The following PCNX1 variants were observed in gnomAD, a reference collection of about 807,000 sequenced individuals.
PCNX1 encodes the protein pecanex 1, also known as pecanex-like protein 1.
PCNX1 carries 78 observed loss-of-function variants against 242.2 expected under a neutral mutation model. That is an observed-to-expected ratio of 0.32 (90% CI 0.27 to 0.39). The LOEUF (loss-of-function observed/expected upper bound fraction) is 0.39, where lower values mean the gene tolerates loss of function less well. Ranked by LOEUF, PCNX1 falls within the 10% of genes least tolerant of loss-of-function variation. PCNX1 has a pLI of 1.00. For missense variants in PCNX1, 2,581 were observed against 2,856.5 expected (o/e 0.90, Z 2.20); for synonymous variants, 1,024 against 1,032.9 (o/e 0.99, Z 0.17).
chr14:71,018,003 A>G (rs1170790646), intron 11 of PCNX1, among the ~76,000 whole-genome samples: 1 of 152,206 alleles, frequency 6.6e-6, no homozygotes, highest in African/African-American at 2.4e-5. Flanking sequence ...TTAAATATGT[A>G]CAAAGTTTTG....
chr14:70,993,180 G>A (rs1400416770), intron 7 of PCNX1, among the ~76,000 whole-genome samples: 2 of 150,884 alleles, frequency 1.3e-5, no homozygotes, highest in South Asian at 2.1e-4. Context: ...GAGTGCAGTG[G>A]CACGATCTCG....
At chr14:71,002,763 C>T (rs902199747) in intron 8 of PCNX1, among the ~76,000 whole-genome samples, 1 of 152,102 alleles carries the variant, frequency 6.6e-6, no homozygotes, top group Admixed American at 6.5e-5. Flanking sequence ...GTTCACCTGG[C>T]GATGGTTGTG....
chr14:71,111,655 A>G lies in PCNX1; in HGVS notation c.*1720A>G, dbSNP rs2062755455. ...ATTACAGTAGAAGGAATGAAAACTA[A>G]GAAAGTAAATAGTGAACATACAGAA... is the stretch of plus-strand genomic sequence containing the variant. On this transcript the variant is annotated 3_prime_UTR_variant, in exon 36 of 36. Coordinates refer to ENST00000304743, the MANE Select transcript of PCNX1 (RefSeq NM_014982.3). 1 of 152,282 alleles carries G rather than the reference A, an allele frequency of 6.6e-6. No individual in the cohort carries two copies. Among genetic ancestry groups the G allele is most frequent in the East Asian group, 1.9e-4 (1 of 5,190 alleles). 9.4% of individuals were successfully genotyped at this position (152,282 alleles called of 1,614,324 possible).
chr14:71,022,675 G>GA (rs979593719), intron 12 of PCNX1, among the ~76,000 whole-genome samples: 51 of 152,262 alleles, frequency 3.3e-4, no homozygotes, highest in African/African-American at 1.2e-3. Flanking sequence ...CTCTTAAAAG[G>GA]ATACAGCTTA....
intron 6 of PCNX1, among the ~76,000 whole-genome samples, chr14:70,985,353 T>G (rs1022518935): frequency 4.9e-4 from 75 of 152,304 alleles, no homozygotes; most frequent in Admixed American, 1.6e-3. Context: ...TAGCCGAGAT[T>G]ACAGGCGCCT....
At chr14:71,084,717 A>G (rs993704067) in intron 28 of PCNX1, among the ~76,000 whole-genome samples, 1 of 152,196 alleles carries the variant, frequency 6.6e-6, no homozygotes, top group African/African-American at 2.4e-5. Flanking sequence ...TGAGCATCCC[A>G]GGTCAACTTC....
chr14:71,098,490 C>T (rs1457333309), intron 30 of PCNX1, among the ~76,000 whole-genome samples: 1 of 146,692 alleles, frequency 6.8e-6, no homozygotes, highest in Non-Finnish European at 1.5e-5. Context: ...GATCTTTGGC[C>T]TCCTTGGTTA....
intron 2 of PCNX1, among the ~76,000 whole-genome samples, chr14:70,957,680 T>A (rs902790733): frequency 6.6e-6 from 1 of 152,210 alleles, no homozygotes; most frequent in African/African-American, 2.4e-5. Context: ...AAAAGTGGTC[T>A]AAAATTGGCT....
chr14:71,095,345 ATGTT>A (rs1460135299), intron 30 of PCNX1, among the ~76,000 whole-genome samples: 1 of 152,176 alleles, frequency 6.6e-6, no homozygotes, highest in Non-Finnish European at 1.5e-5. Context: ...TGGACTGTAA[ATGTT>A]TGTTTAATGA....
chr14:70,922,758 CTTT>C (rs200836942), intron 1 of PCNX1, among the ~76,000 whole-genome samples: 13 of 132,302 alleles, frequency 9.8e-5, no homozygotes, highest in African/African-American at 2.5e-4. Context: ...AGGTCATTAC[CTTT>C]TTTTTTTTTT....
chr14:71,089,090 C>T, intron 29 of PCNX1, 102 bp from the exon 30 acceptor site: 1 of 880,612 alleles, frequency 1.1e-6, no homozygotes, highest in East Asian at 2.5e-5. Context: ...TCTGTATTTT[C>T]AAAACACTCC....
chr14:71,015,305 A>C (rs961227544), intron 11 of PCNX1, among the ~76,000 whole-genome samples: 3 of 152,222 alleles, frequency 2.0e-5, no homozygotes, highest in Admixed American at 1.3e-4. Flanking sequence ...GATAAATGTA[A>C]AATATTTTTT....
Position 70,907,802 on chromosome 14 carries a change from G to GCGGGGA in PCNX1, c.-45_-40dup, listed in dbSNP as rs1371390006. 7 of 1,229,918 alleles carry GCGGGGA rather than the reference G, an allele frequency of 5.7e-6. No homozygotes were observed. The highest frequency in any genetic ancestry group is 5.1e-6 in the Non-Finnish European group (5 of 985,206). 76.2% of individuals were successfully genotyped at this position (1,229,918 alleles called of 1,614,324 possible). On this transcript the variant is annotated 5_prime_UTR_variant, in exon 1 of 36. Transcript: ENST00000304743. ...CGACCGAGGCCGAGCTGGGGCCGGGGCGGGGACGGCGGCGGCGGCGGCGGC... is the reference window on the plus strand; with the variant it reads ...CGACCGAGGCCGAGCTGGGGCCGGGGCGGGGACGGGGACGGCGGCGGCGGCGGCGGC...
chr14:71,076,254 G>A lies in PCNX1; in HGVS notation c.5172G>A (p.Gln1724=), dbSNP rs1306674725. The change falls in exon 28 of 36, where the codon CAG becomes CAA. Residue 1724 remains glutamine, a synonymous_variant. Coordinates refer to ENST00000304743, the MANE Select transcript of PCNX1 (RefSeq NM_014982.3). ...AGTGGCTAGCTAATGAGACAATGCA[G>A]GAAGGACTTCGTCTGTGTGCTGATC... ...LEEWLANETM[Q]EGLRLCADRN... 6.8e-6 allele frequency: 11 copies of A among 1,613,792 alleles called. No individual in the cohort carries two copies.
chr14:70,922,221 TTTG>T (rs952412501), intron 1 of PCNX1, among the ~76,000 whole-genome samples: 2 of 152,292 alleles, frequency 1.3e-5, no homozygotes, highest in African/African-American at 2.4e-5. Context: ...TTAAAAATCC[TTTG>T]TTAAGTTTTT....
intron 7 of PCNX1, among the ~76,000 whole-genome samples, chr14:70,994,113 T>C (rs950146355): frequency 6.6e-6 from 1 of 152,068 alleles, no homozygotes; most frequent in Non-Finnish European, 1.5e-5. Flanking sequence ...CTGGAATGTG[T>C]ACTTTTCATT....
chr14:71,080,123 T>C (rs147423519), intron 28 of PCNX1, among the ~76,000 whole-genome samples: 25 of 152,354 alleles, frequency 1.6e-4, no homozygotes, highest in Admixed American at 5.2e-4. Context: ...ATTTATTAAA[T>C]AGGGAATCCT....
intron 16 of PCNX1, chr14:71,031,729 GT>G: frequency 9.1e-7 from 1 of 1,094,564 alleles, no homozygotes; most frequent in Non-Finnish European, 1.4e-6. Context: ...GAACTCTGAT[GT>G]TTTCTCTCTC....
At position 71,090,248 on chromosome 14, in the gene PCNX1, G is replaced by C. The variant is rs138179424; in HGVS notation, c.5589+906G>C. Among the ~76,000 whole-genome samples, 60 of 152,322 alleles carry C rather than the reference G, an allele frequency of 3.9e-4. 1 individual carries two copies. The highest frequency in any genetic ancestry group is 1.4e-3 in the African/African-American group (59 of 41,572). On this transcript the variant is annotated intron_variant, in intron 30 of 35. Coordinates refer to ENST00000304743, the MANE Select transcript of PCNX1 (RefSeq NM_014982.3). ...CCCACAATGCATTTCTAAAGCCCTAGATGATTGCAAGAATATATTGTGAAA... is the reference window on the plus strand; with the variant it reads ...CCCACAATGCATTTCTAAAGCCCTACATGATTGCAAGAATATATTGTGAAA...
Sources: allele counts gnomAD v4.1 joint callset (sites outside exome capture counted in the v4.1 genomes callset), GRCh38; gene constraint gnomAD v4.1.1; transcripts MANE v1.5; gene names NCBI Gene and HGNC (gene_info 2026-07-23, HGNC 2026-07-21).